The following TMC3 variants were observed in gnomAD, a reference collection of about 807,000 sequenced individuals.
TMC3 encodes transmembrane channel like 3, also known as transmembrane channel-like protein 3.
A neutral mutation model predicts 110.6 loss-of-function variants in TMC3; 98 were observed. That is an observed-to-expected ratio of 0.89 (90% CI 0.75 to 1.05). The LOEUF (loss-of-function observed/expected upper bound fraction) is 1.05, where lower values mean the gene tolerates loss of function less well. Among genes scored for constraint, TMC3 ranks in the 50% least tolerant of loss-of-function variants. The pLI, the probability that TMC3 is intolerant of heterozygous loss-of-function variation, is 0.00. For synonymous variants in TMC3, 489 were observed against 513.1 expected (o/e 0.95, Z 0.63); for missense variants, 1,319 against 1,373.2 (o/e 0.96, Z 0.62).
intron 2 of TMC3, among the ~76,000 whole-genome samples, chr15:81,370,051 G>A (rs1894400002): frequency 6.6e-6 from 1 of 152,194 alleles, no homozygotes; most frequent in Non-Finnish European, 1.5e-5. Context: ...AGCTATGACA[G>A]AGGGGTGATT....
At chr15:81,342,583 G>A (rs1223998671) in intron 15 of TMC3, 1 of 152,150 alleles carries the variant, frequency 6.6e-6, no homozygotes, top group Non-Finnish European at 1.5e-5. Flanking sequence ...TTGACAGGAG[G>A]CGTATTACTT....
intron 4 of TMC3, among the ~76,000 whole-genome samples, chr15:81,360,706 CACT>C (rs1894169301): frequency 6.6e-6 from 1 of 152,148 alleles, no homozygotes; most frequent in African/African-American, 2.4e-5. Flanking sequence ...TGAATTGCAC[CACT>C]GAGTTGGTCC....
intron 2 of TMC3, among the ~76,000 whole-genome samples, chr15:81,370,675 T>C (rs1186110147): frequency 1.4e-5 from 2 of 146,532 alleles, no homozygotes; most frequent in African/African-American, 2.7e-5. Flanking sequence ...TAATAGAAAC[T>C]ATTTCTTTTT....
chr15:81,337,524 T>A (rs1893623516), intron 19 of TMC3: 2 of 443,696 alleles, frequency 4.5e-6, no homozygotes, highest in Non-Finnish European at 8.3e-6. Flanking sequence ...CCTGCCAATC[T>A]ACCAGAGCTC....
At chr15:81,342,228 G>GA (rs1893730264) in intron 15 of TMC3, among the ~76,000 whole-genome samples, 1 of 152,114 alleles carries the variant, frequency 6.6e-6, no homozygotes, top group Non-Finnish European at 1.5e-5. Flanking sequence ...AGTTTATATT[G>GA]GATACGTATT....
intron 3 of TMC3, among the ~76,000 whole-genome samples, chr15:81,366,968 A>AT (rs1407969623): frequency 6.6e-6 from 1 of 152,246 alleles, no homozygotes; most frequent in Non-Finnish European, 1.5e-5. Context: ...TGGTGCAGGT[A>AT]TTATGAGACT....
intron 11 of TMC3, among the ~76,000 whole-genome samples, chr15:81,347,530 A>T (rs911489812): frequency 1.2e-4 from 18 of 152,212 alleles, no homozygotes; most frequent in Non-Finnish European, 2.4e-4. Context: ...CTCAGTGTGT[A>T]TTCAGTAAGT....
At chr15:81,366,958 T>C (rs1041082874) in intron 3 of TMC3, among the ~76,000 whole-genome samples, 1 of 152,190 alleles carries the variant, frequency 6.6e-6, no homozygotes, top group African/African-American at 2.4e-5. Flanking sequence ...TAATCAACAT[T>C]GGTGCAGGTA....
intron 5 of TMC3, 75 bp downstream of exon 5, chr15:81,359,290 C>A (rs1210368714): frequency 3.7e-6 from 4 of 1,090,340 alleles, no homozygotes; most frequent in Non-Finnish European, 4.0e-6. Flanking sequence ...ACAATGATAA[C>A]CAGAGGAGCC....
chr15:81,349,402 T>C, intron 11 of TMC3, 56 bp downstream of exon 11: 1 of 1,166,348 alleles, frequency 8.6e-7, no homozygotes, highest in Non-Finnish European at 1.1e-6. Flanking sequence ...ACATTCCCAC[T>C]GTGGGTGGGC....
chr15:81,335,679 C>T (rs1893577601), intron 20 of TMC3: 1 of 152,616 alleles, frequency 6.6e-6, no homozygotes, highest in East Asian at 1.9e-4. Context: ...AGAGCTAGCC[C>T]CTAAAGCCCT....
intron 21 of TMC3, among the ~76,000 whole-genome samples, chr15:81,334,131 A>T (rs1331551434): frequency 6.6e-6 from 1 of 152,160 alleles, no homozygotes; most frequent in African/African-American, 2.4e-5. Context: ...AACTCCTTAT[A>T]TAACAAGACT....
chr15:81,360,787 G>T (rs1459199986), intron 4 of TMC3, among the ~76,000 whole-genome samples: 1 of 152,104 alleles, frequency 6.6e-6, no homozygotes, highest in African/African-American at 2.4e-5. Context: ...ACTCTAGGTG[G>T]TGAGTGGGCG....
chr15:81,372,612 C>T lies in TMC3; in HGVS notation c.215G>A (p.Gly72Glu). Residue 72 changes from glycine to glutamate, a missense_variant, in exon 2 of 22, where the codon GGA (glycine) becomes GAA (glutamate). Transcript: ENST00000359440. ...ANIRCRPWTM[G>E]QKLRALRQAK... ...TTACCTCAATGCCCTCAGCTTCTGT[C>T]CCATAGTCCAGGGTCTGCAGCGAAT... 6.2e-7 allele frequency: 1 copy of T among 1,613,610 alleles called. No individual in the cohort carries two copies. The highest frequency in any genetic ancestry group is 1.7e-5 in the Admixed American group (1 of 59,998).
intron 2 of TMC3, among the ~76,000 whole-genome samples, 192 bp from the exon 3 acceptor site, chr15:81,368,520 T>A (rs1894367103): frequency 2.0e-5 from 3 of 152,242 alleles, no homozygotes; most frequent in South Asian, 2.1e-4. Flanking sequence ...CACCTTAAAA[T>A]TTTTTTCTTT....
At chr15:81,348,549 A>G (rs1893873934) in intron 11 of TMC3, among the ~76,000 whole-genome samples, 2 of 152,220 alleles carry the variant, frequency 1.3e-5, no homozygotes, top group African/African-American at 4.8e-5. Context: ...CCTCAGGTGC[A>G]TCAGCCTACT....
intron 11 of TMC3, among the ~76,000 whole-genome samples, chr15:81,348,931 G>C (rs961541469): frequency 6.6e-6 from 1 of 152,230 alleles, no homozygotes; most frequent in Non-Finnish European, 1.5e-5. Context: ...TCCTGACTCA[G>C]CCTCCCGAGT....
intron 13 of TMC3, 103 bp from the exon 14 acceptor site, chr15:81,344,148 C>G: frequency 8.1e-7 from 1 of 1,236,792 alleles, no homozygotes; most frequent in East Asian, 2.6e-5. Flanking sequence ...TGGGCCCCAG[C>G]CAGTGGGCCC....
intron 9 of TMC3, among the ~76,000 whole-genome samples, chr15:81,352,056 A>T (rs749751105): frequency 1.3e-5 from 2 of 152,214 alleles, no homozygotes; most frequent in Non-Finnish European, 2.9e-5. Context: ...ACCAGCCTGC[A>T]TCAGTGGGGT....
Sources: allele counts gnomAD v4.1 joint callset (sites outside exome capture counted in the v4.1 genomes callset), GRCh38; gene constraint gnomAD v4.1.1; transcripts MANE v1.5; gene names NCBI Gene and HGNC (gene_info 2026-07-23, HGNC 2026-07-21).